Variants in LRP2BP observed in about 807,000 individuals in gnomAD.
The protein encoded by LRP2BP is LRP2 binding protein, also known as LRP2-binding protein.
In LRP2BP, 38 loss-of-function variants were observed where a neutral mutation model predicts 45.2. The observed-to-expected ratio is 0.84, with a 90% CI of 0.65 to 1.10. The LOEUF (loss-of-function observed/expected upper bound fraction) is 1.10, where lower values mean the gene tolerates loss of function less well. Among genes scored for constraint, LRP2BP ranks in the 50% least tolerant of loss-of-function variants. The pLI, the probability that LRP2BP is intolerant of heterozygous loss-of-function variation, is 0.00. For missense variants in LRP2BP, 385 were observed against 418.9 expected, an observed-to-expected ratio of 0.92 and a Z score of 0.71; for synonymous variants, 153 against 153.9, an observed-to-expected ratio of 0.99 and a Z score of 0.04.
chr4:185,367,036 T>C lies in LRP2BP; in HGVS notation c.*144A>G, dbSNP rs1395140645. The stretch of plus-strand genomic sequence containing the variant: ...GTTGCAAAACTTAACAGCGTACGAA[T>C]TCAAGAACGAAGTAACATGTCACCT... On this transcript the variant is annotated 3_prime_UTR_variant, in exon 9 of 9. Coordinates refer to ENST00000505916, the MANE Select transcript of LRP2BP (RefSeq NM_001377440.1). 1 of 749,882 alleles carries C rather than the reference T, an allele frequency of 1.3e-6. No homozygotes were observed. Among genetic ancestry groups the C allele is most frequent in the African/African-American group, 1.8e-5 (1 of 56,852 alleles). The allele number at this position is 749,882 out of a possible 1,614,324, so 46.5% of individuals were successfully genotyped here. A position where few individuals can be genotyped will look rare whatever the true frequency, so the allele number is the denominator to read the frequency against.
In LRP2BP at chr4:185,394,860, T is replaced by G. The variant is rs2095497621; in HGVS notation, c.-103A>C. 1 of 985,318 alleles carries G rather than the reference T, an allele frequency of 1.0e-6. No individual in the cohort carries two copies. Among genetic ancestry groups the G allele is most frequent in the South Asian group, 4.7e-5 (1 of 21,290 alleles). The allele number at this position is 985,318 out of a possible 1,614,324, so 61.0% of individuals were successfully genotyped here. A position where few individuals can be genotyped will look rare whatever the true frequency, so the allele number is the denominator to read the frequency against. ...CGCATCTACCAGCAATTAAAACATG[T>G]AGAATTAGCACTGCTTAGGAGAACG... On this transcript the variant is annotated 5_prime_UTR_variant, in exon 1 of 9. Coordinates refer to ENST00000505916, the MANE Select transcript of LRP2BP (RefSeq NM_001377440.1).
At position 185,366,182 on chromosome 4, in the gene LRP2BP, T is replaced by A. The variant is rs1460938167; in HGVS notation, c.*998A>T. The A allele has an allele frequency of 6.6e-6, 1 of 152,232 alleles. No individual in the cohort carries two copies. Among genetic ancestry groups the A allele is most frequent in the Non-Finnish European group, 1.5e-5 (1 of 68,034 alleles). The allele number at this position is 152,232 out of a possible 1,614,324, so 9.4% of individuals were successfully genotyped here. ...CCTTGTACAATCTTATGCATATGGA[T>A]CTTACTGTTTTTACTGTCACCTTTT... On this transcript the variant is annotated 3_prime_UTR_variant, in exon 9 of 9. Coordinates refer to ENST00000505916, the MANE Select transcript of LRP2BP (RefSeq NM_001377440.1).
rs2095499716 is a variant in LRP2BP at position 185,395,552 on chromosome 4, A to C, written c.-795T>G. On this transcript the variant is annotated 5_prime_UTR_variant, in exon 1 of 9. Transcript: ENST00000505916. ...TAAACATCATTAAAAGATATTGTGAATAGTTTAAATATTAAAAATGTGGAA... is the reference window on the plus strand; with the variant it reads ...TAAACATCATTAAAAGATATTGTGACTAGTTTAAATATTAAAAATGTGGAA... 1.0e-6 allele frequency: 1 copy of C among 982,458 alleles called. No homozygotes were observed. The highest frequency in any genetic ancestry group is 1.2e-6 in the Non-Finnish European group (1 of 827,436). 60.9% of individuals were successfully genotyped at this position (982,458 alleles called of 1,614,324 possible).
At chr4:185,384,722 A>G (rs965445172) in intron 1 of LRP2BP, among the ~76,000 whole-genome samples, 3 of 151,558 alleles carry the variant, frequency 2.0e-5, no homozygotes, top group African/African-American at 7.3e-5. Context: ...TTTCATTACT[A>G]TTGCCTAACA....
upstream of LRP2BP, chr4:185,397,009 C>G: frequency 6.2e-7 from 1 of 1,610,716 alleles, no homozygotes; most frequent in Non-Finnish European, 8.5e-7. Context: ...CTTCTAGATT[C>G]GTCTTCTCGT....
rs2095457575 is a variant in LRP2BP, at chr4:185,382,120, G to T, written c.-21-3913C>A. 2.0e-5 allele frequency among the ~76,000 whole-genome samples: 3 copies of T among 152,224 alleles called. 1 individual carries two copies. The South Asian group carries it at 6.2e-4, about 32-fold the overall frequency. ...GATATTCTATATAAATGGAATCATA[G>T]AATATGTGGCCTTTTATGTCTGGCT... On this transcript the variant is annotated intron_variant, in intron 1 of 8. Coordinates refer to ENST00000505916, the MANE Select transcript of LRP2BP (RefSeq NM_001377440.1).
At chr4:185,380,239 C>T (rs1315427854) in intron 1 of LRP2BP, among the ~76,000 whole-genome samples, 1 of 152,146 alleles carries the variant, frequency 6.6e-6, no homozygotes, top group Non-Finnish European at 1.5e-5. Flanking sequence ...CTTTTATTAG[C>T]TCCCAAACAT....
chr4:185,369,997 G>C, intron 8 of LRP2BP: 1 of 211,738 alleles, frequency 4.7e-6, no homozygotes, highest in South Asian at 6.8e-5. Context: ...ACTCGTGGAT[G>C]TGATGGACCT....
chr4:185,395,835 G>A lies in LRP2BP; in HGVS notation c.-1078C>T, dbSNP rs1283972925. On this transcript the variant is annotated 5_prime_UTR_variant, in exon 1 of 9. Coordinates refer to ENST00000505916, the MANE Select transcript of LRP2BP (RefSeq NM_001377440.1). ...AGCTTTCAAAGGCATCAACAGAAGGGAATCACTAAAAATGTAGGGGAAAAG... is the reference window on the plus strand; with the variant it reads ...AGCTTTCAAAGGCATCAACAGAAGGAAATCACTAAAAATGTAGGGGAAAAG... 4.7e-5 allele frequency: 46 copies of A among 985,262 alleles called. No individual in the cohort carries two copies. Among genetic ancestry groups the A allele is most frequent in the Non-Finnish European group, 5.4e-5 (45 of 829,916 alleles). The allele number at this position is 985,262 out of a possible 1,614,324, so 61.0% of individuals were successfully genotyped here.
At chr4:185,377,844 T>A (rs2095443257) in intron 2 of LRP2BP, 1 of 398,104 alleles carries the variant, frequency 2.5e-6, no homozygotes, top group African/African-American at 2.1e-5. Flanking sequence ...TCTAGAAGCA[T>A]GTCCTTAAGT....
upstream of LRP2BP, chr4:185,397,000 T>C (rs778091654): frequency 1.2e-6 from 2 of 1,612,270 alleles, no homozygotes; most frequent in Non-Finnish European, 1.7e-6. Context: ...AGGCTCAAGC[T>C]TCTAGATTCG....
chr4:185,394,363 G>A (rs1366742542), intron 1 of LRP2BP, among the ~76,000 whole-genome samples: 1 of 151,516 alleles, frequency 6.6e-6, no homozygotes, highest in African/African-American at 2.4e-5. Context: ...AAACACATAG[G>A]TATAAGAATG....
chr4:185,366,629 ATTTAAG>A lies in LRP2BP; in HGVS notation c.*545_*550del, dbSNP rs1033941244. 1 of 152,226 alleles carries A rather than the reference ATTTAAG, an allele frequency of 6.6e-6. No homozygotes were observed. Among genetic ancestry groups the A allele is most frequent in the Non-Finnish European group, 1.5e-5 (1 of 68,050 alleles). 9.4% of individuals were successfully genotyped at this position (152,226 alleles called of 1,614,324 possible). A position where few individuals can be genotyped will look rare whatever the true frequency, so the allele number is the denominator to read the frequency against. On this transcript the variant is annotated 3_prime_UTR_variant, in exon 9 of 9. Coordinates refer to ENST00000505916, the MANE Select transcript of LRP2BP (RefSeq NM_001377440.1). ...AGAAGTAGAAATGCTGCACACACTTATTTAAGTTTAATTCTTTAAATGTCTTTTACC... is the reference window on the plus strand; with the variant it reads ...AGAAGTAGAAATGCTGCACACACTTATTTAATTCTTTAAATGTCTTTTACC...
At chr4:185,381,774 T>C (rs1023638707) in intron 1 of LRP2BP, among the ~76,000 whole-genome samples, 1 of 152,194 alleles carries the variant, frequency 6.6e-6, no homozygotes, top group Non-Finnish European at 1.5e-5. Flanking sequence ...CTCAGAAGAA[T>C]GTGAGGAAAT....
intron 8 of LRP2BP, among the ~76,000 whole-genome samples, chr4:185,369,173 G>C (rs1212751484): frequency 6.6e-6 from 1 of 151,114 alleles, no homozygotes; most frequent in Non-Finnish European, 1.5e-5. Context: ...GGATATTAAG[G>C]ATAGGATAGA....
At chr4:185,371,905 G>A (rs1225134675) in intron 7 of LRP2BP, among the ~76,000 whole-genome samples, 1 of 152,084 alleles carries the variant, frequency 6.6e-6, no homozygotes, top group Non-Finnish European at 1.5e-5. Context: ...CTGGCGCTGT[G>A]GGAAGGGTGT....
Position 185,370,830 on chromosome 4 carries a change from G to C in LRP2BP, c.804-16C>G. 1 of 1,613,412 alleles carries C rather than the reference G, an allele frequency of 6.2e-7. No homozygotes were observed. Among genetic ancestry groups the C allele is most frequent in the Non-Finnish European group, 8.5e-7 (1 of 1,179,404 alleles). On this transcript the variant is annotated splice_polypyrimidine_tract_variant and intron_variant, in intron 7 of 8. Coordinates refer to ENST00000505916, the MANE Select transcript of LRP2BP (RefSeq NM_001377440.1). Reference sequence around the variant, plus strand: ...GTCAGCGATCCTGAGAGGATGTAGAGTTGTGAAATGGAAAAGACATCAGTT... The same window carrying C: ...GTCAGCGATCCTGAGAGGATGTAGACTTGTGAAATGGAAAAGACATCAGTT...
At chr4:185,384,617 C>T (rs562050076) in intron 1 of LRP2BP, among the ~76,000 whole-genome samples, 29 of 150,350 alleles carry the variant, frequency 1.9e-4, no homozygotes, top group African/African-American at 7.1e-4. Context: ...ACTGAAGTTC[C>T]TTTCATACTA....
At chr4:185,385,906 G>C (rs562652470) in intron 1 of LRP2BP, among the ~76,000 whole-genome samples, 53 of 21,790 alleles carry the variant, frequency 2.4e-3, no homozygotes, top group African/African-American at 3.7e-3. Flanking sequence ...GTCTCGGGGA[G>C]GGGGGGGGGG....
Sources: gnomAD v4.1 joint callset for allele counts (sites outside exome capture counted in the v4.1 genomes callset) on GRCh38, gnomAD v4.1.1 for gene constraint, MANE v1.5 for transcripts, NCBI Gene and HGNC (gene_info 2026-07-23, HGNC 2026-07-21) for gene names.